UBA6: variants seen among roughly 807,000 people sequenced by gnomAD.
The protein encoded by UBA6 is ubiquitin-like modifier-activating enzyme 6.
A neutral mutation model predicts 148.3 loss-of-function variants in UBA6; 87 were observed. The observed-to-expected ratio is 0.59, with a 90% CI of 0.49 to 0.70. The LOEUF (loss-of-function observed/expected upper bound fraction) is 0.70. Ranked by LOEUF, UBA6 falls within the 30% of genes least tolerant of loss-of-function variation. The probability of loss-of-function intolerance (pLI) is 0.00; values close to 1 mark genes in which losing one functional copy is unlikely to be tolerated. For missense variants in UBA6, 1,186 were observed against 1,241.2 expected (o/e 0.96, Z 0.67); for synonymous variants, 376 against 401.0 (o/e 0.94, Z 0.75).
At chr4:67,627,777 T>C (rs1728904048) in intron 27 of UBA6, among the ~76,000 whole-genome samples, 1 of 151,740 alleles carries the variant, frequency 6.6e-6, no homozygotes, top group African/African-American at 2.4e-5. Flanking sequence ...AGGTGGTCAT[T>C]ACTCCACCTT....
At chr4:67,658,533 G>A (rs888081914) in intron 13 of UBA6, among the ~76,000 whole-genome samples, 4 of 152,060 alleles carry the variant, frequency 2.6e-5, no homozygotes, top group South Asian at 4.1e-4. Context: ...GGAACAACAC[G>A]CACTGGGGCC....
chr4:67,657,825 A>AT (rs1729737459), intron 13 of UBA6, among the ~76,000 whole-genome samples: 1 of 81,642 alleles, frequency 1.2e-5, no homozygotes, highest in Admixed American at 1.3e-4. Context: ...AAACAAATTT[A>AT]CAAAAAAAAA....
Position 67,615,212 on chromosome 4 carries a change from C to T in UBA6, c.*3785G>A, listed in dbSNP as rs1486186069. ...TCCCTCATAAATGGCTTGGTGCCCT[C>T]GTTGAGATGACGAGTTCTTGCTCCA... On this transcript the variant is annotated 3_prime_UTR_variant, in exon 33 of 33. Coordinates refer to ENST00000322244, the MANE Select transcript of UBA6 (RefSeq NM_018227.6). 1.3e-5 allele frequency: 2 copies of T among 152,104 alleles called. No individual in the cohort carries two copies. The highest frequency in any genetic ancestry group is 6.6e-5 in the Admixed American group (1 of 15,260). 9.4% of individuals were successfully genotyped at this position (152,104 alleles called of 1,614,324 possible).
At position 67,616,010 on chromosome 4, in the gene UBA6, T is replaced by G. The variant is rs1478770261; in HGVS notation, c.*2987A>C. On this transcript the variant is annotated 3_prime_UTR_variant, in exon 33 of 33. Coordinates refer to ENST00000322244, the MANE Select transcript of UBA6 (RefSeq NM_018227.6). ...GTTGCTTTAAAATTATTCCTTGAAC[T>G]GCATATTTATATTTTATGTATTTTT... 1 of 380,098 alleles carries G rather than the reference T, an allele frequency of 2.6e-6. No individual in the cohort carries two copies. The highest frequency in any genetic ancestry group is 2.1e-5 in the African/African-American group (1 of 48,218). The allele number at this position is 380,098 out of a possible 1,614,324, so 23.5% of individuals were successfully genotyped here. A position where few individuals can be genotyped will look rare whatever the true frequency, so the allele number is the denominator to read the frequency against.
chr4:67,637,127 T>C (rs1035050740), intron 19 of UBA6, among the ~76,000 whole-genome samples: 5 of 150,676 alleles, frequency 3.3e-5, no homozygotes, highest in Non-Finnish European at 5.9e-5. Context: ...AGCCACCCCG[T>C]CTGGGAAGTG....
intron 2 of UBA6, among the ~76,000 whole-genome samples, chr4:67,694,296 A>C (rs1381866486): frequency 6.7e-6 from 1 of 150,328 alleles, no homozygotes; most frequent in Admixed American, 6.6e-5. Flanking sequence ...TAAAAAAAAA[A>C]ACCCTCAAAC....
chr4:67,646,641 A>G (rs979278278), intron 15 of UBA6, 83 bp downstream of exon 15: 11 of 956,980 alleles, frequency 1.1e-5, no homozygotes, highest in Middle Eastern at 2.1e-4. Flanking sequence ...GGGAGAAAAG[A>G]CACATAAAAC....
chr4:67,635,693 T>G, intron 19 of UBA6, 135 bp from the exon 20 acceptor site: 2 of 612,082 alleles, frequency 3.3e-6, no homozygotes, highest in Non-Finnish European at 5.8e-6. Context: ...AAAACAGATA[T>G]ACTACTATCA....
In UBA6 at chr4:67,631,754, G is replaced by T. The variant is rs1351060543; in HGVS notation, c.2212C>A (p.Pro738Thr). The change falls in exon 25 of 33, where the codon CCA becomes ACA. Residue 738 changes from proline (P) to threonine (T), a missense_variant. Pro to Thr is a conservative substitution (Grantham distance 38, BLOSUM62 -1). Transcript: ENST00000322244. ...LKDGSLFWQS[P>T]KRPPSPIKFD... ...TTTATTGGAGAGGGTGGCCTCTTTG[G>T]TGACTGCCAAAATAAACCTGGCAAA... 6.2e-7 allele frequency: 1 copy of T among 1,611,608 alleles called. No homozygotes were observed.
chr4:67,677,581 A>G, intron 6 of UBA6, 30 bp downstream of exon 6: 1 of 1,184,888 alleles, frequency 8.4e-7, no homozygotes, highest in Non-Finnish European at 1.2e-6. Context: ...GAACCTGTCA[A>G]TAACATTTAA....
chr4:67,649,795 A>C lies in UBA6; in HGVS notation c.1105-584T>G, dbSNP rs79371150. Among the ~76,000 whole-genome samples, 757 of 152,282 alleles carry C rather than the reference A, an allele frequency of 5.0e-3. 9 individuals are homozygous for C. Among genetic ancestry groups the C allele is most frequent in the African/African-American group, 0.017 (711 of 41,574 alleles). On this transcript the variant is annotated intron_variant, in intron 13 of 32. Transcript: ENST00000322244. ...TATTGGAAAACTGAATTTTAGATCT[A>C]TTATTTCAGCAATTTCTTATATGTG...
At chr4:67,663,444 A>G in intron 11 of UBA6, 1 of 405,658 alleles carries the variant, frequency 2.5e-6, no homozygotes, top group African/African-American at 2.1e-5. Flanking sequence ...TAAAATTTAC[A>G]AATTTGGAAA....
chr4:67,621,697 C>T (rs545043465), intron 32 of UBA6, among the ~76,000 whole-genome samples: 52 of 152,050 alleles, frequency 3.4e-4, no homozygotes, highest in African/African-American at 1.1e-3. Flanking sequence ...CAGCTATACT[C>T]GGGAGGCTGA....
intron 22 of UBA6, 150 bp from the exon 23 acceptor site, chr4:67,633,623 CTTT>C (rs1327479419): frequency 1.1e-5 from 7 of 625,022 alleles, no homozygotes; most frequent in African/African-American, 3.8e-5. Flanking sequence ...CTTCCTTCTT[CTTT>C]AACCTTTCTT....
chr4:67,619,908 T>G (rs571726044), intron 32 of UBA6, among the ~76,000 whole-genome samples: 1 of 151,688 alleles, frequency 6.6e-6, no homozygotes, highest in African/African-American at 2.4e-5. Context: ...CTCTAGTCTC[T>G]TTTCTACTTC....
chr4:67,644,789 GA>G lies in UBA6; in HGVS notation c.1396-12del. The G allele has an allele frequency of 2.7e-6, 4 of 1,506,716 alleles. No individual in the cohort carries two copies. Among genetic ancestry groups the G allele is most frequent in the Non-Finnish European group, 2.8e-6 (3 of 1,084,710 alleles). 93.3% of individuals were successfully genotyped at this position (1,506,716 alleles called of 1,614,324 possible). ...GGCTCCACACCCTACCTATGGAGGAGAAAAATGGTATATATCAGATTAAAAT... is the reference window on the plus strand; with the variant it reads ...GGCTCCACACCCTACCTATGGAGGAGAAAATGGTATATATCAGATTAAAAT... On this transcript the variant is annotated splice_polypyrimidine_tract_variant and intron_variant, in intron 16 of 32. Transcript: ENST00000322244.
At position 67,630,514 on chromosome 4, in the gene UBA6, A is replaced by T. The variant is rs1376908458; in HGVS notation, c.2280T>A (p.Asn760Lys). The T allele has an allele frequency of 2.5e-6, 4 of 1,585,906 alleles. No individual in the cohort carries two copies. In the East Asian group the frequency reaches 9.0e-5, roughly 36 times the overall value. ...ATACTGTAGCATATAGTTTTGCAGC[A>T]TTCTGAAGGAAACTGAGGTGCCTTT... is the stretch of plus-strand genomic sequence containing the variant. ...NEPLHLSFLQ[N>K]AAKLYATVYC... Residue 760 changes from asparagine to lysine, a missense_variant, in exon 26 of 33, where the codon AAT becomes AAA. Asn to Lys is a moderately conservative substitution (Grantham distance 94). Transcript: ENST00000322244.
At chr4:67,629,517 A>C (rs1404866897) in intron 26 of UBA6, among the ~76,000 whole-genome samples, 1 of 151,990 alleles carries the variant, frequency 6.6e-6, no homozygotes, top group Non-Finnish European at 1.5e-5. Context: ...TCCCTGAAGT[A>C]AGTTATACTC....
intron 2 of UBA6, among the ~76,000 whole-genome samples, chr4:67,687,034 GTTTTTTTTT>G (rs71219066): frequency 1.2e-5 from 1 of 82,520 alleles, no homozygotes; most frequent in African/African-American, 4.7e-5. Context: ...TTAAGACTAT[GTTTTTTTTT>G]TTTTTTTTTT....
Sources: gnomAD v4.1 joint callset for allele counts (sites outside exome capture counted in the v4.1 genomes callset) on GRCh38, gnomAD v4.1.1 for gene constraint, MANE v1.5 for transcripts, NCBI Gene and HGNC (gene_info 2026-07-23, HGNC 2026-07-21) for gene names.